Variants in DENND4C observed in about 807,000 individuals in gnomAD.
DENND4C encodes the protein DENN domain containing 4C.
In DENND4C, 108 loss-of-function variants were observed where a neutral mutation model predicts 203.0. The ratio of observed to expected loss-of-function variants is 0.53; its 90% CI spans 0.46 to 0.62. DENND4C has a LOEUF of 0.62. DENND4C is among the 20% of genes least tolerant of loss of function. DENND4C has a pLI of 0.00. For synonymous variants in DENND4C, 871 were observed against 792.4 expected, an observed-to-expected ratio of 1.10 and a Z score of -1.67; for missense variants, 2,481 against 2,301.2, an observed-to-expected ratio of 1.08 and a Z score of -1.60.
intron 29 of DENND4C, among the ~76,000 whole-genome samples, chr9:19,360,791 G>C (rs1351445313): frequency 2.0e-5 from 3 of 152,132 alleles, no homozygotes; most frequent in African/African-American, 7.2e-5. Flanking sequence ...ATGGAGAGGA[G>C]AGTATGTCTT....
At chr9:19,296,497 G>A (rs1049637462) in intron 6 of DENND4C, among the ~76,000 whole-genome samples, 3 of 151,626 alleles carry the variant, frequency 2.0e-5, no homozygotes, top group Non-Finnish European at 4.4e-5. Context: ...CCGAGTAGCT[G>A]GGATTACAGG....
In DENND4C at chr9:19,373,061, T is replaced by C. The variant is rs1399712520; in HGVS notation, c.*888T>C. 6.6e-6 allele frequency: 1 copy of C among 152,206 alleles called. No homozygotes were observed. The highest frequency in any genetic ancestry group is 1.5e-5 in the Non-Finnish European group (1 of 68,026). The allele number at this position is 152,206 out of a possible 1,614,324, so 9.4% of individuals were successfully genotyped here. On this transcript the variant is annotated 3_prime_UTR_variant, in exon 33 of 33. Transcript: ENST00000434457. ...TACTAAACTTGTCTGTAGTCATTAA[T>C]CTTAAAATTACCTGAAAATCTGATG...
intron 17 of DENND4C, among the ~76,000 whole-genome samples, chr9:19,333,157 G>GTAGCTGA (rs1819665694): frequency 6.6e-6 from 1 of 151,830 alleles, no homozygotes; most frequent in Non-Finnish European, 1.5e-5. Flanking sequence ...TGGGACTACA[G>GTAGCTGA]GTGCACACCA....
At chr9:19,298,573 C>T (rs74322848) in intron 7 of DENND4C, among the ~76,000 whole-genome samples, 3,289 of 152,160 alleles carry the variant, frequency 0.022, 127 homozygotes, top group African/African-American at 0.075. Context: ...CAGCTTGTGA[C>T]ATATGCAACA....
intron 1 of DENND4C, among the ~76,000 whole-genome samples, chr9:19,275,306 T>C (rs1429398362): frequency 6.1e-5 from 9 of 148,036 alleles, no homozygotes. Context: ...CTCTTTTTTT[T>C]TTTTGAGACA....
chr9:19,310,795 GA>G (rs995824535), intron 10 of DENND4C, among the ~76,000 whole-genome samples: 7 of 147,198 alleles, frequency 4.8e-5, no homozygotes, highest in South Asian at 2.2e-4. Context: ...GATGTGAAAG[GA>G]AAAAAAAAAC....
At position 19,348,006 on chromosome 9, in the gene DENND4C, A is replaced by G. The variant is rs375233311; in HGVS notation, c.4317+920A>G. Among the ~76,000 whole-genome samples, 62 of 152,344 alleles carry G rather than the reference A, an allele frequency of 4.1e-4. 1 individual carries two copies. In the South Asian group the frequency reaches 0.011, roughly 28 times the overall value. On this transcript the variant is annotated intron_variant, in intron 23 of 32. Transcript: ENST00000434457. ...GAAAAAAATTGAAATTTCACCTTGT[A>G]TGAAATTGTATAGTATTTGAGTACT...
At chr9:19,241,341 C>G (rs1030328194) in intron 1 of DENND4C, among the ~76,000 whole-genome samples, 28 of 152,014 alleles carry the variant, frequency 1.8e-4, no homozygotes, top group African/African-American at 6.5e-4. Context: ...AAATATTATT[C>G]TTTAAATCCT....
At chr9:19,263,346 T>TTTTG (rs1366084548) in intron 1 of DENND4C, among the ~76,000 whole-genome samples, 63 of 152,192 alleles carry the variant, frequency 4.1e-4, no homozygotes, top group Non-Finnish European at 7.5e-4. Flanking sequence ...GCTTGTTGTT[T>TTTTG]TTTGTTTGTT....
chr9:19,332,793 G>A (rs1246906372), intron 17 of DENND4C, among the ~76,000 whole-genome samples: 1 of 138,810 alleles, frequency 7.2e-6, no homozygotes, highest in African/African-American at 2.7e-5. Flanking sequence ...TTTAAGGGAT[G>A]GAGTCTCACT....
intron 23 of DENND4C, among the ~76,000 whole-genome samples, chr9:19,348,639 ATACTT>A (rs1238578829): frequency 1.3e-5 from 2 of 152,198 alleles, no homozygotes; most frequent in African/African-American, 4.8e-5. Flanking sequence ...ATTTGAAGGA[ATACTT>A]TATAGACAAA....
intron 23 of DENND4C, among the ~76,000 whole-genome samples, chr9:19,348,948 C>CA (rs527835653): frequency 6.4e-4 from 97 of 152,174 alleles, no homozygotes; most frequent in Non-Finnish European, 1.1e-3. Context: ...GCTAGGACTC[C>CA]AGGCGTGCCC....
chr9:19,300,418 T>A (rs1469296422), intron 9 of DENND4C, 87 bp downstream of exon 9: 3 of 1,249,964 alleles, frequency 2.4e-6, no homozygotes, highest in Non-Finnish European at 3.1e-6. Context: ...AGCAACTTTG[T>A]AAACAACAAC....
intron 1 of DENND4C, among the ~76,000 whole-genome samples, chr9:19,247,073 C>G (rs1825463706): frequency 6.6e-6 from 1 of 152,158 alleles, no homozygotes; most frequent in African/African-American, 2.4e-5. Flanking sequence ...CTGTCATCAG[C>G]ATTTGACACA....
intron 12 of DENND4C, 97 bp from the exon 13 acceptor site, chr9:19,324,242 TATGGATATATATATGTATATATA>T: frequency 1.7e-6 from 1 of 584,924 alleles, no homozygotes; most frequent in Non-Finnish European, 2.6e-6. Context: ...TCTTTTTAAA[TATGGATATATATATGTATATATA>T]AAGAGAATGT....
chr9:19,238,449 TTCCCC>T (rs1564074116), intron 1 of DENND4C, among the ~76,000 whole-genome samples: 1 of 101,216 alleles, frequency 9.9e-6, no homozygotes, highest in African/African-American at 4.1e-5. Context: ...TTCTCTTTCC[TTCCCC>T]TCCCCTCCCC....
At chr9:19,241,084 G>A (rs1823582467) in intron 1 of DENND4C, among the ~76,000 whole-genome samples, 1 of 152,188 alleles carries the variant, frequency 6.6e-6, no homozygotes, top group African/African-American at 2.4e-5. Context: ...AGGAGTGGAA[G>A]TTGCTCTGGG....
At chr9:19,336,620 A>C in intron 19 of DENND4C, 66 bp from the exon 20 acceptor site, 1 of 1,480,566 alleles carries the variant, frequency 6.8e-7, no homozygotes, top group Non-Finnish European at 9.0e-7. Flanking sequence ...ACTGTGGGTC[A>C]ATCATGTTTA....
At chr9:19,266,226 A>G (rs918112830) in intron 1 of DENND4C, among the ~76,000 whole-genome samples, 4 of 152,070 alleles carry the variant, frequency 2.6e-5, no homozygotes, top group South Asian at 2.1e-4. Context: ...GCATTTTTTC[A>G]TGTGTCTGTT....
Sources: allele counts gnomAD v4.1 joint callset (sites outside exome capture counted in the v4.1 genomes callset), GRCh38; gene constraint gnomAD v4.1.1; transcripts MANE v1.5; gene names NCBI Gene and HGNC (gene_info 2026-07-23, HGNC 2026-07-21).